UBAP2L: variants seen among roughly 807,000 people sequenced by gnomAD.
UBAP2L encodes ubiquitin associated protein 2 like, also known as ubiquitin-associated protein 2-like.
In UBAP2L, 12 loss-of-function variants were observed where a neutral mutation model predicts 130.6. The ratio of observed to expected loss-of-function variants is 0.09; its 90% CI spans 0.06 to 0.15. The LOEUF (loss-of-function observed/expected upper bound fraction) is 0.15. Ranked by LOEUF, UBAP2L falls within the 10% of genes least tolerant of loss-of-function variation. The pLI is 1.00. For synonymous variants in UBAP2L, 503 were observed against 524.7 expected (o/e 0.96, Z 0.57); for missense variants, 965 against 1,332.5 (o/e 0.72, Z 4.29).
intron 24 of UBAP2L, among the ~76,000 whole-genome samples, chr1:154,264,407 G>T (rs1003730149): frequency 6.6e-6 from 1 of 152,152 alleles, no homozygotes; most frequent in African/African-American, 2.4e-5. Context: ...AGGAAAGCAA[G>T]AGAACTCTGT....
At chr1:154,268,604 T>C (rs962622714) in intron 25 of UBAP2L, among the ~76,000 whole-genome samples, 153 bp from the exon 26 acceptor site, 4 of 152,200 alleles carry the variant, frequency 2.6e-5, no homozygotes, top group African/African-American at 9.6e-5. Flanking sequence ...AGAGCAGAGC[T>C]GAGACTGAGA....
chr1:154,246,027 G>A (rs753038922), intron 10 of UBAP2L, among the ~76,000 whole-genome samples, 177 bp from the exon 11 acceptor site: 6 of 152,216 alleles, frequency 3.9e-5, no homozygotes, highest in Admixed American at 1.3e-4. Flanking sequence ...ATATACTGTA[G>A]TGACTCTTAT....
chr1:154,261,284 A>G (rs574348704), intron 23 of UBAP2L, among the ~76,000 whole-genome samples, 175 bp downstream of exon 23: 23 of 152,196 alleles, frequency 1.5e-4, no homozygotes, highest in Non-Finnish European at 2.9e-4. Flanking sequence ...AATTGGTGGA[A>G]TTAGGATAGG....
chr1:154,234,345 A>C (rs1190727742), intron 4 of UBAP2L, among the ~76,000 whole-genome samples: 1 of 152,190 alleles, frequency 6.6e-6, no homozygotes, highest in Admixed American at 6.5e-5. Context: ...CCTGGGCAAC[A>C]GAGCGAGACT....
chr1:154,259,991 C>G lies in UBAP2L; in HGVS notation c.2540C>G (p.Thr847Ser). 3 of 1,614,130 alleles carry G rather than the reference C, an allele frequency of 1.9e-6. No homozygotes were observed. The highest frequency in any genetic ancestry group is 1.7e-6 in the Non-Finnish European group (2 of 1,180,024). ...TTTCCCACACCCACTACTCCGCTGA[C>G]TGGGAGGGATGGTAGCCTGGCCAGC... ...IPFPTPTTPL[T>S]GRDGSLASNP... The change falls in exon 22 of 27, where the codon ACT (threonine) becomes AGT (serine). Residue 847 changes from threonine to serine, a missense_variant. By Grantham distance (58) the Thr-to-Ser change is moderately conservative (BLOSUM62 1). Transcript: ENST00000428931.
intron 1 of UBAP2L, among the ~76,000 whole-genome samples, chr1:154,224,259 T>A (rs1294851965): frequency 2.0e-5 from 3 of 152,186 alleles, no homozygotes; most frequent in Non-Finnish European, 4.4e-5. Flanking sequence ...AAATAAAACT[T>A]TGTGCTAGAT....
At chr1:154,226,671 A>G (rs1668047518) in intron 2 of UBAP2L, among the ~76,000 whole-genome samples, 1 of 151,954 alleles carries the variant, frequency 6.6e-6, no homozygotes, top group African/African-American at 2.4e-5. Context: ...GAGTTTACAC[A>G]TGGCTTTGTG....
At chr1:154,271,022 G>A (rs564271581), downstream of UBAP2L, 115 of 1,398,168 alleles carry the variant, frequency 8.2e-5, no homozygotes, top group Non-Finnish European at 8.7e-5. Flanking sequence ...TGTGGTAGTA[G>A]TATCTTGTCC....
intron 8 of UBAP2L, among the ~76,000 whole-genome samples, chr1:154,238,007 C>CA (rs1297547684): frequency 6.6e-6 from 1 of 152,122 alleles, no homozygotes; most frequent in Non-Finnish European, 1.5e-5. Flanking sequence ...TTTCCTCTTA[C>CA]AAAGGGGGAT....
chr1:154,229,105 TTTTTATTTTA>T (rs57728113), intron 4 of UBAP2L, among the ~76,000 whole-genome samples: 27 of 151,840 alleles, frequency 1.8e-4, no homozygotes, highest in South Asian at 4.1e-4. Context: ...TTTTTTTTTC[TTTTTATTTTA>T]TTTTATTTTA....
chr1:154,253,800 C>G (rs1678716420), intron 14 of UBAP2L, 100 bp from the exon 15 acceptor site: 1 of 1,230,930 alleles, frequency 8.1e-7, no homozygotes, highest in Non-Finnish European at 1.1e-6. Context: ...CTTCTTGATT[C>G]AAATCAAGTT....
intron 4 of UBAP2L, among the ~76,000 whole-genome samples, chr1:154,231,227 C>G (rs1044976040): frequency 2.7e-5 from 4 of 149,752 alleles, no homozygotes; most frequent in African/African-American, 1.0e-4. Flanking sequence ...TGGGTTCAAG[C>G]AATCCTCCCA....
At chr1:154,236,686 C>T in intron 7 of UBAP2L, 75 bp downstream of exon 7, 1 of 1,511,750 alleles carries the variant, frequency 6.6e-7, no homozygotes, top group Non-Finnish European at 9.2e-7. Flanking sequence ...CCAAAATGAT[C>T]AGAATGATTT....
At position 154,260,012 on chromosome 1, in the gene UBAP2L, C is replaced by A; in HGVS notation, c.2561C>A (p.Ala854Asp). Residue 854 changes from alanine to aspartate, a missense_variant, in exon 22 of 27, where the codon GCC (alanine) becomes GAC (aspartate). Ala to Asp is a moderately radical substitution (Grantham distance 126, BLOSUM62 -2). This residue lies in a region of UBAP2L where 194 missense variants were observed against 334.0 expected (regional missense o/e 0.58). Coordinates refer to ENST00000428931, the MANE Select transcript of UBAP2L (RefSeq NM_014847.4). ...TPLTGRDGSL[A>D]SNPYSGDLTK... ...CTGACTGGGAGGGATGGTAGCCTGGCCAGCAACCCTTATTCTGGTAGGATT... is the reference window on the plus strand; with the variant it reads ...CTGACTGGGAGGGATGGTAGCCTGGACAGCAACCCTTATTCTGGTAGGATT... 1 of 1,614,102 alleles carries A rather than the reference C, an allele frequency of 6.2e-7. No homozygotes were observed. The highest frequency in any genetic ancestry group is 8.5e-7 in the Non-Finnish European group (1 of 1,179,986).
chr1:154,254,212 T>A (rs772128870), intron 15 of UBAP2L, 123 bp downstream of exon 15: 280 of 913,506 alleles, frequency 3.1e-4, no homozygotes, highest in Non-Finnish European at 4.0e-4. Flanking sequence ...GATTGAGAAT[T>A]TGAAAAAGGC....
In UBAP2L at chr1:154,257,215, C is replaced by T. The variant is rs1318734631; in HGVS notation, c.2310C>T (p.Ser770=). The change falls in exon 19 of 27, where the codon TCC becomes TCT. Residue 770 remains serine, a synonymous_variant. Coordinates refer to ENST00000428931, the MANE Select transcript of UBAP2L (RefSeq NM_014847.4). ...TGGGCCTCAGCCTAGGCAGCAACTC[C>T]ACTGTCACAGCCTCGACTCGAAGCT... ...SSLGLSLGSN[S]TVTASTRSSV... 1 of 1,614,226 alleles carries T rather than the reference C, an allele frequency of 6.2e-7. No homozygotes were observed. The highest frequency in any genetic ancestry group is 8.5e-7 in the Non-Finnish European group (1 of 1,180,032).
In UBAP2L at chr1:154,254,816, G is replaced by GTTTTTTT; in HGVS notation, c.1855-12_1855-6dup. Reference sequence around the variant, plus strand: ...GAGTTTGTCTGTTTCTTGCTCTTCTGTTTTTTTTTTTTTTACCAGAATGGC... The same window carrying GTTTTTTT: ...GAGTTTGTCTGTTTCTTGCTCTTCTGTTTTTTTTTTTTTTTTTTTTTACCAGAATGGC... On this transcript the variant is annotated intron_variant, in intron 15 of 26. Coordinates refer to ENST00000428931, the MANE Select transcript of UBAP2L (RefSeq NM_014847.4). The GTTTTTTT allele has an allele frequency of 6.7e-7, 1 of 1,491,458 alleles. No individual in the cohort carries two copies. The highest frequency in any genetic ancestry group is 2.4e-5 in the East Asian group (1 of 41,402). 92.4% of individuals were successfully genotyped at this position (1,491,458 alleles called of 1,614,324 possible). A position where few individuals can be genotyped will look rare whatever the true frequency, so the allele number is the denominator to read the frequency against.
rs1671031796 is a variant in UBAP2L at position 154,234,653 on chromosome 1, G to A, written c.342G>A (p.Thr114=). 6 of 1,613,974 alleles carry A rather than the reference G, an allele frequency of 3.7e-6. No individual in the cohort carries two copies. Among genetic ancestry groups the A allele is most frequent in the South Asian group, 1.1e-5 (1 of 91,062 alleles). ...CAGGCCAGAAGGATGGTGGCCAGACGGAATCCAATGAGGAAGGCAAAGAAA... is the reference window on the plus strand; with the variant it reads ...CAGGCCAGAAGGATGGTGGCCAGACAGAATCCAATGAGGAAGGCAAAGAAA... The part of the protein sequence containing the change: ...GVSGQKDGGQ[T]ESNEEGKENR... Residue 114 remains threonine (T), a synonymous_variant, in exon 5 of 27, where the codon ACG becomes ACA. Coordinates refer to ENST00000428931, the MANE Select transcript of UBAP2L (RefSeq NM_014847.4).
chr1:154,224,251 A>G (rs1367961156), intron 1 of UBAP2L, among the ~76,000 whole-genome samples: 3 of 152,206 alleles, frequency 2.0e-5, no homozygotes, highest in Admixed American at 6.5e-5. Context: ...TTTCTTCCAA[A>G]TAAAACTTTG....
Sources: allele counts gnomAD v4.1 joint callset (sites outside exome capture counted in the v4.1 genomes callset), GRCh38; gene constraint gnomAD v4.1.1; regional missense constraint gnomAD v4.1.1; transcripts MANE v1.5; gene names NCBI Gene and HGNC (gene_info 2026-07-23, HGNC 2026-07-21).